Variants in RSRC1 observed in about 807,000 individuals in gnomAD.
The protein encoded by RSRC1 is arginine and serine rich coiled-coil 1.
RSRC1 carries 39 observed loss-of-function variants against 49.1 expected under a neutral mutation model. The ratio of observed to expected loss-of-function variants is 0.79; its 90% confidence interval spans 0.61 to 1.04. The LOEUF (loss-of-function observed/expected upper bound fraction) is 1.04, where lower values mean the gene tolerates loss of function less well. Among genes scored for constraint, RSRC1 ranks in the 50% least tolerant of loss-of-function variants. RSRC1 has a pLI of 0.00. For missense variants in RSRC1, 388 were observed against 402.4 expected, an observed-to-expected ratio of 0.96 and a Z score of 0.31; for synonymous variants, 143 against 130.8, an observed-to-expected ratio of 1.09 and a Z score of -0.63.
At chr3:158,518,685 T>G (rs934731658) in intron 7 of RSRC1, among the ~76,000 whole-genome samples, 1 of 152,100 alleles carries the variant, frequency 6.6e-6, no homozygotes, top group Non-Finnish European at 1.5e-5. Context: ...TCACCAATAC[T>G]CTCTAATTTT....
intron 4 of RSRC1, among the ~76,000 whole-genome samples, chr3:158,255,245 G>A (rs1359834956): frequency 6.6e-6 from 1 of 152,076 alleles, no homozygotes; most frequent in African/African-American, 2.4e-5. Flanking sequence ...TTTTGTATAA[G>A]GTGTAAGGAA....
intron 5 of RSRC1, among the ~76,000 whole-genome samples, chr3:158,338,926 T>C (rs1560000249): frequency 6.6e-6 from 1 of 152,196 alleles, no homozygotes; most frequent in Non-Finnish European, 1.5e-5. Flanking sequence ...TTAAATGAGG[T>C]ATGTAAAATG....
intron 4 of RSRC1, among the ~76,000 whole-genome samples, chr3:158,267,463 C>A (rs1725254282): frequency 6.6e-6 from 1 of 151,936 alleles, no homozygotes; most frequent in African/African-American, 2.4e-5. Context: ...TTCTTTTTCT[C>A]TTGGTGGACC....
chr3:158,373,380 T>C (rs970204204), intron 6 of RSRC1, among the ~76,000 whole-genome samples: 3 of 151,894 alleles, frequency 2.0e-5, no homozygotes, highest in African/African-American at 7.2e-5. Context: ...TAGATGACTT[T>C]TTTTACGTTG....
intron 6 of RSRC1, among the ~76,000 whole-genome samples, chr3:158,412,275 G>A (rs142965403): frequency 1.1e-3 from 167 of 152,228 alleles, no homozygotes; most frequent in Admixed American, 1.7e-3. Context: ...TAATATATGT[G>A]ATTCGAATGT....
chr3:158,502,831 A>G (rs1739665011), intron 7 of RSRC1, among the ~76,000 whole-genome samples: 1 of 152,248 alleles, frequency 6.6e-6, no homozygotes, highest in African/African-American at 2.4e-5. Context: ...TGATTAGCTT[A>G]ATAACTAACC....
chr3:158,478,143 T>A (rs1312504128), intron 7 of RSRC1, among the ~76,000 whole-genome samples: 1 of 151,824 alleles, frequency 6.6e-6, no homozygotes, highest in Non-Finnish European at 1.5e-5. Context: ...TTATATAGGA[T>A]CTTATCACTC....
At chr3:158,206,938 C>A (rs1360647961) in intron 4 of RSRC1, among the ~76,000 whole-genome samples, 1 of 152,030 alleles carries the variant, frequency 6.6e-6, no homozygotes, top group Non-Finnish European at 1.5e-5. Context: ...AAGCATCTAA[C>A]ATTTTAAATG....
chr3:158,321,047 T>A (rs1053433010), intron 5 of RSRC1, among the ~76,000 whole-genome samples: 24 of 152,082 alleles, frequency 1.6e-4, no homozygotes, highest in African/African-American at 5.3e-4. Flanking sequence ...TACTTTTTTT[T>A]AAAGAATTTC....
chr3:158,468,211 G>A (rs1210834352), intron 7 of RSRC1, among the ~76,000 whole-genome samples: 1 of 152,174 alleles, frequency 6.6e-6, no homozygotes, highest in Admixed American at 6.5e-5. Flanking sequence ...GGGATTACAG[G>A]CGTGAGCCAC....
At chr3:158,373,740 G>A (rs1578400466) in intron 6 of RSRC1, among the ~76,000 whole-genome samples, 1 of 151,854 alleles carries the variant, frequency 6.6e-6, no homozygotes, top group Non-Finnish European at 1.5e-5. Flanking sequence ...TGTCAACCTT[G>A]TATTCCCCTG....
chr3:158,316,910 T>C (rs141306555), intron 5 of RSRC1, among the ~76,000 whole-genome samples: 1 of 152,316 alleles, frequency 6.6e-6, no homozygotes, highest in East Asian at 1.9e-4. Flanking sequence ...ACTATGTAAC[T>C]TGAGAAATTA....
chr3:158,414,474 A>T lies in RSRC1; in HGVS notation c.584-46461A>T, dbSNP rs901409845. Among the ~76,000 whole-genome samples the T allele has an allele frequency of 6.6e-5, 10 of 152,224 alleles. No homozygotes were observed. The South Asian group carries it at 1.0e-3, about 16-fold the overall frequency. ...CTTAATACCTAGGTGATGGGTTGATAGGTGCAGCAAACCCACTGTGGCACA... is the reference window on the plus strand; with the variant it reads ...CTTAATACCTAGGTGATGGGTTGATTGGTGCAGCAAACCCACTGTGGCACA... On this transcript the variant is annotated intron_variant, in intron 6 of 9. Coordinates refer to ENST00000611884, the MANE Select transcript of RSRC1 (RefSeq NM_001271838.2).
intron 3 of RSRC1, among the ~76,000 whole-genome samples, chr3:158,140,041 T>A (rs1395065775): frequency 6.6e-6 from 1 of 151,850 alleles, no homozygotes; most frequent in Non-Finnish European, 1.5e-5. Flanking sequence ...GTAAATTTTT[T>A]CCTCACAGGA....
chr3:158,444,062 C>T (rs549885164), intron 6 of RSRC1, among the ~76,000 whole-genome samples: 1 of 152,264 alleles, frequency 6.6e-6, no homozygotes, highest in South Asian at 2.1e-4. Context: ...TCACTGATCA[C>T]AGGTGACAGA....
At chr3:158,469,833 C>T (rs1232846385) in intron 7 of RSRC1, 1 of 151,968 alleles carries the variant, frequency 6.6e-6, no homozygotes, top group Non-Finnish European at 1.5e-5. Flanking sequence ...ATTCTAATTA[C>T]CTATTAACGG....
chr3:158,245,283 AAG>A (rs1723827978), intron 4 of RSRC1, among the ~76,000 whole-genome samples: 4 of 152,040 alleles, frequency 2.6e-5, no homozygotes, highest in Admixed American at 2.6e-4. Flanking sequence ...TTATGTACTC[AAG>A]AGTCATTTAG....
At chr3:158,421,567 G>A (rs777295285) in intron 6 of RSRC1, among the ~76,000 whole-genome samples, 2 of 151,840 alleles carry the variant, frequency 1.3e-5, no homozygotes, top group Admixed American at 1.3e-4. Context: ...TATGTTAGAT[G>A]TAGAATGGAT....
chr3:158,232,368 T>G (rs1195880821), intron 4 of RSRC1, among the ~76,000 whole-genome samples: 1 of 152,178 alleles, frequency 6.6e-6, no homozygotes, highest in East Asian at 1.9e-4. Context: ...TTTTTGACAA[T>G]TCTTTTTTCT....
Sources: gnomAD v4.1 joint callset for allele counts (sites outside exome capture counted in the v4.1 genomes callset) on GRCh38, gnomAD v4.1.1 for gene constraint, MANE v1.5 for transcripts, NCBI Gene and HGNC (gene_info 2026-07-23, HGNC 2026-07-21) for gene names.